KCNQ1: variants seen among roughly 807,000 people sequenced by gnomAD.
KCNQ1 encodes potassium voltage-gated channel subfamily KQT member 1.
Under a neutral mutation model 72.4 loss-of-function variants are expected in KCNQ1, and 49 were observed. That is an observed-to-expected ratio of 0.68 (90% CI 0.54 to 0.86). The LOEUF (loss-of-function observed/expected upper bound fraction) is 0.86, where lower values mean the gene tolerates loss of function less well. KCNQ1 is among the 40% of genes least tolerant of loss of function. The pLI is 0.00. For synonymous variants in KCNQ1, 450 were observed against 412.6 expected, an observed-to-expected ratio of 1.09 and a Z score of -1.10; for missense variants, 790 against 945.1, an observed-to-expected ratio of 0.84 and a Z score of 2.15.
intron 10 of KCNQ1, among the ~76,000 whole-genome samples, chr11:2,590,020 C>T (rs1848650724): frequency 6.6e-6 from 1 of 152,182 alleles, no homozygotes; most frequent in African/African-American, 2.4e-5. Context: ...TCCCTGGGAG[C>T]TCCAACTTCT....
rs527592056 is a variant in KCNQ1 at position 2,630,099 on chromosome 11, C to T, written c.1394-31862C>T. On this transcript the variant is annotated intron_variant, in intron 10 of 15. Transcript: ENST00000155840. ...TGTGTTGCAGTACATTCCTTCTATA[C>T]CTAATTTGTTCATAGTTTTTATCAT... The T allele has an allele frequency of 4.0e-5, 16 of 398,278 alleles. No homozygotes were observed. The South Asian group carries it at 5.1e-4, about 13-fold the overall frequency. The allele number at this position is 398,278 out of a possible 1,614,324, so 24.7% of individuals were successfully genotyped here.
intron 11 of KCNQ1, among the ~76,000 whole-genome samples, chr11:2,718,102 G>A (rs183856557): frequency 7.9e-5 from 12 of 152,302 alleles, no homozygotes; most frequent in East Asian, 1.9e-4. Context: ...GTTGACACCC[G>A]CGTGCCCCGT....
In KCNQ1 at chr11:2,659,832, T is replaced by A. The variant is rs1849918512; in HGVS notation, c.1394-2129T>A. 1 of 398,514 alleles carries A rather than the reference T, an allele frequency of 2.5e-6. No individual in the cohort carries two copies. Among genetic ancestry groups the A allele is most frequent in the Admixed American group, 4.4e-5 (1 of 22,742 alleles). The allele number at this position is 398,514 out of a possible 1,614,324, so 24.7% of individuals were successfully genotyped here. A position where few individuals can be genotyped will look rare whatever the true frequency, so the allele number is the denominator to read the frequency against. On this transcript the variant is annotated intron_variant, in intron 10 of 15. Coordinates refer to ENST00000155840, the MANE Select transcript of KCNQ1 (RefSeq NM_000218.3). The surrounding 1 kb of genome is among the most constrained non-coding windows in gnomAD (Gnocchi z 4.3). The stretch of plus-strand genomic sequence containing the variant: ...TGATTCTAATTTGCATTTCCATATT[T>A]ATGTTAATTATGTATCTTTTCATGT...
chr11:2,728,825 G>A (rs144222135), intron 11 of KCNQ1, among the ~76,000 whole-genome samples: 7 of 152,300 alleles, frequency 4.6e-5, no homozygotes, highest in South Asian at 4.1e-4. Context: ...CCAGAGGGCC[G>A]GCCGCAGTGG....
At chr11:2,778,491 G>C (rs954310367) in intron 15 of KCNQ1, among the ~76,000 whole-genome samples, 1 of 152,152 alleles carries the variant, frequency 6.6e-6, no homozygotes, top group African/African-American at 2.4e-5. Flanking sequence ...GGCCCAGCTG[G>C]GATGGGTTCA....
At chr11:2,533,155 C>A (rs1847669712) in intron 2 of KCNQ1, among the ~76,000 whole-genome samples, 1 of 152,206 alleles carries the variant, frequency 6.6e-6, no homozygotes, top group Non-Finnish European at 1.5e-5. Context: ...CCCAGGGAGC[C>A]CCTGTTTTCT....
chr11:2,665,770 G>T (rs1341423993), intron 11 of KCNQ1: 2 of 398,434 alleles, frequency 5.0e-6, no homozygotes, highest in East Asian at 3.6e-5. Flanking sequence ...CCCTAGGATT[G>T]CTGCTCACTC....
rs772276677 is a variant in KCNQ1, at chr11:2,720,165, TAGAC to T, written c.1515-48676_1515-48673del. The stretch of plus-strand genomic sequence containing the variant: ...TTGCAAGGAGACGCTTCTAGTATGT[TAGAC>T]AGCACAGTCTTCCAAATGGACTGTG... On this transcript the variant is annotated intron_variant, in intron 11 of 15. Coordinates refer to ENST00000155840, the MANE Select transcript of KCNQ1 (RefSeq NM_000218.3). This position sits in a 1 kb window ranked among gnomAD's most constrained non-coding sequence, Gnocchi z 5.1. Among the ~76,000 whole-genome samples the T allele has an allele frequency of 1.1e-3, 166 of 152,328 alleles. No homozygotes were observed. Among genetic ancestry groups the T allele is most frequent in the Non-Finnish European group, 2.1e-3 (141 of 68,034 alleles).
At position 2,768,838 on chromosome 11, in the gene KCNQ1, C is replaced by T. The variant is rs1008044979; in HGVS notation, c.1515-6C>T. ...CTCACAATCTCCTCTCCTCTCTCCA[C>T]TGCAGGCTGCGGGAACACCATCGGG... On this transcript the variant is annotated splice_polypyrimidine_tract_variant and splice_region_variant and intron_variant, in intron 11 of 15. Coordinates refer to ENST00000155840, the MANE Select transcript of KCNQ1 (RefSeq NM_000218.3). The surrounding 1 kb of genome is among the most constrained non-coding windows in gnomAD (Gnocchi z 6.7). 8.7e-6 allele frequency: 14 copies of T among 1,613,578 alleles called. No homozygotes were observed. Among genetic ancestry groups the T allele is most frequent in the Non-Finnish European group, 1.1e-5 (13 of 1,179,474 alleles).
Position 2,496,495 on chromosome 11 carries a change from C to CTTTTTTTTTT in KCNQ1, c.387-31417_387-31408dup. 2.4e-3 allele frequency among the ~76,000 whole-genome samples: 71 copies of CTTTTTTTTTT among 29,818 alleles called. 6 individuals are homozygous for CTTTTTTTTTT. The highest frequency in any genetic ancestry group is 3.2e-3 in the African/African-American group (30 of 9,274). 19.6% of individuals were successfully genotyped at this position (29,818 alleles called of 152,430 possible). On this transcript the variant is annotated intron_variant, in intron 1 of 15. Coordinates refer to ENST00000155840, the MANE Select transcript of KCNQ1 (RefSeq NM_000218.3). ...AAAATGGCTAGGATCACAACCCCTGCTTTTTTTTTTTTTTTTTTTTTTTTT... is the reference window on the plus strand; with the variant it reads ...AAAATGGCTAGGATCACAACCCCTGCTTTTTTTTTTTTTTTTTTTTTTTTTTTTTTTTTTT...
At chr11:2,702,985 T>G (rs1850844844) in intron 11 of KCNQ1, among the ~76,000 whole-genome samples, 1 of 151,082 alleles carries the variant, frequency 6.6e-6, no homozygotes. Context: ...GGGGGAAGAG[T>G]GGAGAGGAAA....
In KCNQ1 at chr11:2,547,790, C is replaced by T. The variant is rs1388398971; in HGVS notation, c.477+19772C>T. ...GAGTGGCATGGAAGGGGAGGGGCGG[C>T]AGTTCTCAGTGGAGCGGCCGGGCTG... On this transcript the variant is annotated intron_variant, in intron 2 of 15. Transcript: ENST00000155840. The surrounding 1 kb of genome is among the most constrained non-coding windows in gnomAD (Gnocchi z 4.2). Among the ~76,000 whole-genome samples the T allele has an allele frequency of 1.3e-5, 2 of 152,152 alleles. No homozygotes were observed. The highest frequency in any genetic ancestry group is 2.9e-5 in the Non-Finnish European group (2 of 68,032).
intron 6 of KCNQ1, among the ~76,000 whole-genome samples, chr11:2,574,653 G>A (rs924028082): frequency 1.3e-5 from 2 of 152,208 alleles, no homozygotes; most frequent in South Asian, 2.1e-4. Flanking sequence ...GTGTCCCTGC[G>A]ATTGCTGTGC....
In KCNQ1 at chr11:2,828,338, G is replaced by C. The variant is rs1847880619; in HGVS notation, c.1795-19429G>C. On this transcript the variant is annotated intron_variant, in intron 15 of 15. Transcript: ENST00000155840. This position sits in a 1 kb window ranked among gnomAD's most constrained non-coding sequence, Gnocchi z 5.3. ...GATGGGTAAACACATGTCTATTTCA[G>C]CTTCTTTGAATCCCACTAAGGTGAC... Among the ~76,000 whole-genome samples the C allele has an allele frequency of 6.6e-6, 1 of 152,210 alleles. No individual in the cohort carries two copies. The highest frequency in any genetic ancestry group is 2.4e-5 in the African/African-American group (1 of 41,448).
In KCNQ1 at chr11:2,498,071, A is replaced by T. The variant is rs1228802082; in HGVS notation, c.387-29857A>T. 1.3e-5 allele frequency among the ~76,000 whole-genome samples: 2 copies of T among 152,212 alleles called. No homozygotes were observed. The highest frequency in any genetic ancestry group is 4.8e-5 in the African/African-American group (2 of 41,452). On this transcript the variant is annotated intron_variant, in intron 1 of 15. Transcript: ENST00000155840. This position sits in a 1 kb window ranked among gnomAD's most constrained non-coding sequence, Gnocchi z 4.8. ...TTTGTCCCAGAAGGGCACCAGCCTG[A>T]TGCCAACCAGAGCTCTCCTGTTTGA... is the stretch of plus-strand genomic sequence containing the variant.
chr11:2,829,325 TGAA>T (rs1847898232), intron 15 of KCNQ1, among the ~76,000 whole-genome samples: 1 of 150,032 alleles, frequency 6.7e-6, no homozygotes. Flanking sequence ...AAAAAAAAAA[TGAA>T]GGTGATAGAC....
At position 2,562,771 on chromosome 11, in the gene KCNQ1, C is replaced by T. The variant is rs997654335; in HGVS notation, c.478-7857C>T. On this transcript the variant is annotated intron_variant, in intron 2 of 15. Coordinates refer to ENST00000155840, the MANE Select transcript of KCNQ1 (RefSeq NM_000218.3). This position sits in a 1 kb window ranked among gnomAD's most constrained non-coding sequence, Gnocchi z 7.5. ...GTCCCCAGGCCTAAGTCTATGGGGG[C>T]GCCAGGGAGGCCGGCTGTGTTTCTG... Among the ~76,000 whole-genome samples the T allele has an allele frequency of 5.3e-5, 8 of 152,164 alleles. No individual in the cohort carries two copies. Among genetic ancestry groups the T allele is most frequent in the Non-Finnish European group, 8.8e-5 (6 of 68,028 alleles).
chr11:2,651,199 T>G lies in KCNQ1; in HGVS notation c.1394-10762T>G, dbSNP rs1849751397. On this transcript the variant is annotated intron_variant, in intron 10 of 15. Transcript: ENST00000155840. The surrounding 1 kb of genome is among the most constrained non-coding windows in gnomAD (Gnocchi z 6.1). ...CTACTCAAATGTTCCGACAGCTTCC[T>G]GTCACCCTGTCTTGTGTCAGTCTCA... is the stretch of plus-strand genomic sequence containing the variant. 2 of 396,872 alleles carry G rather than the reference T, an allele frequency of 5.0e-6. No individual in the cohort carries two copies. Among genetic ancestry groups the G allele is most frequent in the Non-Finnish European group, 8.9e-6 (2 of 225,392 alleles). The allele number at this position is 396,872 out of a possible 1,614,324, so 24.6% of individuals were successfully genotyped here.
chr11:2,826,326 G>T lies in KCNQ1; in HGVS notation c.1795-21441G>T, dbSNP rs985237197. On this transcript the variant is annotated intron_variant, in intron 15 of 15. Transcript: ENST00000155840. This position sits in a 1 kb window ranked among gnomAD's most constrained non-coding sequence, Gnocchi z 4.2. ...GGCGGGGAGGGCAGGTTAACCCTTC[G>T]GGCTCCAGTATTCCCCAGCTTCCCA... Among the ~76,000 whole-genome samples, 2 of 152,206 alleles carry T rather than the reference G, an allele frequency of 1.3e-5. No individual in the cohort carries two copies. Among genetic ancestry groups the T allele is most frequent in the Non-Finnish European group, 2.9e-5 (2 of 68,022 alleles).
Sources: allele counts gnomAD v4.1 joint callset (sites outside exome capture counted in the v4.1 genomes callset), GRCh38; gene constraint gnomAD v4.1.1; non-coding constraint Gnocchi (gnomAD v3.1); transcripts MANE v1.5; gene names NCBI Gene and HGNC (gene_info 2026-07-23, HGNC 2026-07-21).